UCMA: variants seen among roughly 807,000 people sequenced by gnomAD.
UCMA encodes the protein upper zone of growth plate and cartilage matrix-associated protein.
In UCMA, 21 loss-of-function variants were observed where a neutral mutation model predicts 21.8. The ratio of observed to expected loss-of-function variants is 0.97; its 90% confidence interval spans 0.68 to 1.39. UCMA has a LOEUF of 1.39. Ranked by LOEUF, UCMA falls within the 40% of genes most tolerant of loss-of-function variation. The probability of loss-of-function intolerance (pLI) is 0.00; values close to 1 mark genes in which losing one functional copy is unlikely to be tolerated. For missense variants in UCMA, 193 were observed against 178.9 expected (o/e 1.08, Z -0.45); for synonymous variants, 76 against 67.9 (o/e 1.12, Z -0.58).
At chr10:13,226,660 C>A in intron 4 of UCMA, among the ~76,000 whole-genome samples, 1 of 152,100 alleles carries the variant, frequency 6.6e-6, no homozygotes, top group Non-Finnish European at 1.5e-5. Context: ...CTGGAAATTA[C>A]AAGACCTGTC....
At chr10:13,232,516 T>C (rs1834912493) in intron 3 of UCMA, among the ~76,000 whole-genome samples, 1 of 152,160 alleles carries the variant, frequency 6.6e-6, no homozygotes, top group Non-Finnish European at 1.5e-5. Flanking sequence ...CTTTCAGTGC[T>C]TCTTGACATT....
At chr10:13,231,373 A>G (rs944309604) in intron 3 of UCMA, among the ~76,000 whole-genome samples, 5 of 152,166 alleles carry the variant, frequency 3.3e-5, no homozygotes, top group Non-Finnish European at 5.9e-5. Flanking sequence ...AGAGATGTGC[A>G]TGACCTAACA....
rs4750328 is a variant in UCMA, at chr10:13,233,643, G to T, written c.125-10C>A. 18 of 1,613,836 alleles carry T rather than the reference G, an allele frequency of 1.1e-5. No homozygotes were observed. In the East Asian group the frequency reaches 3.8e-4, roughly 34 times the overall value. On this transcript the variant is annotated splice_polypyrimidine_tract_variant and intron_variant, in intron 2 of 4. Transcript: ENST00000378681. Reference sequence around the variant, plus strand: ...ATCTTCTGTTTTGCATCTGAAACCCGGGAGAGGCCTGTCACCAGCAGTGTG... The same window carrying T: ...ATCTTCTGTTTTGCATCTGAAACCCTGGAGAGGCCTGTCACCAGCAGTGTG...
At chr10:13,234,130 C>A (rs184161587) in intron 1 of UCMA, 71 bp downstream of exon 1, 3 of 1,452,880 alleles carry the variant, frequency 2.1e-6, no homozygotes, top group African/African-American at 1.4e-5. Context: ...ACCTGAGCAG[C>A]CTTACCTGTG....
chr10:13,221,995 C>T lies in UCMA; in HGVS notation c.*108G>A, dbSNP rs1834763021. The T allele has an allele frequency of 8.5e-7, 1 of 1,176,494 alleles. No individual in the cohort carries two copies. Among genetic ancestry groups the T allele is most frequent in the Admixed American group, 2.0e-5 (1 of 50,896 alleles). 72.9% of individuals were successfully genotyped at this position (1,176,494 alleles called of 1,614,324 possible). On this transcript the variant is annotated 3_prime_UTR_variant, in exon 5 of 5. Coordinates refer to ENST00000378681, the MANE Select transcript of UCMA (RefSeq NM_145314.3). Reference sequence around the variant, plus strand: ...CAAGAGCTGCTGGCCACTGCAGACCCCAAGCTGAGACCCTCTGAAGGGCCG... The same window carrying T: ...CAAGAGCTGCTGGCCACTGCAGACCTCAAGCTGAGACCCTCTGAAGGGCCG...
At chr10:13,230,805 C>T (rs1322757684) in intron 3 of UCMA, among the ~76,000 whole-genome samples, 1 of 152,214 alleles carries the variant, frequency 6.6e-6, no homozygotes, top group East Asian at 1.9e-4. Context: ...GCCTGTAATC[C>T]CAGCACTTTG....
intron 4 of UCMA, among the ~76,000 whole-genome samples, chr10:13,228,937 T>C (rs1834860231): frequency 6.6e-6 from 1 of 151,958 alleles, no homozygotes; most frequent in African/African-American, 2.4e-5. Flanking sequence ...TTTATTTTAT[T>C]TTATTTTATT....
At chr10:13,223,850 C>T (rs967373049) in intron 4 of UCMA, among the ~76,000 whole-genome samples, 2 of 150,730 alleles carry the variant, frequency 1.3e-5, no homozygotes, top group African/African-American at 4.9e-5. Flanking sequence ...CTGCACCTAG[C>T]CTAGAATGGG....
chr10:13,221,867 T>A lies in UCMA; in HGVS notation c.*236A>T. ...CCAGGGGAAGCCACTGTAGGTTTGG[T>A]ACTAGGAGGCCCTGCAGGCAGTTGC... On this transcript the variant is annotated 3_prime_UTR_variant, in exon 5 of 5. Transcript: ENST00000378681. The A allele has an allele frequency of 1.8e-6, 1 of 548,312 alleles. No individual in the cohort carries two copies. Among genetic ancestry groups the A allele is most frequent in the South Asian group, 2.3e-5 (1 of 44,082 alleles). 34.0% of individuals were successfully genotyped at this position (548,312 alleles called of 1,614,324 possible).
intron 4 of UCMA, among the ~76,000 whole-genome samples, chr10:13,228,683 C>T (rs889968334): frequency 6.6e-6 from 1 of 152,038 alleles, no homozygotes; most frequent in Non-Finnish European, 1.5e-5. Context: ...AAGGCACCTG[C>T]GAGTGAGTGT....
At chr10:13,231,728 T>C (rs1265037340) in intron 3 of UCMA, among the ~76,000 whole-genome samples, 1 of 152,218 alleles carries the variant, frequency 6.6e-6, no homozygotes, top group Non-Finnish European at 1.5e-5. Context: ...ATTCTGTGCA[T>C]TGTATACGTT....
At chr10:13,232,699 T>C (rs1196386014) in intron 3 of UCMA, among the ~76,000 whole-genome samples, 1 of 152,100 alleles carries the variant, frequency 6.6e-6, no homozygotes, top group East Asian at 1.9e-4. Context: ...CCTTGCTGAG[T>C]GCCCTGAAGA....
At chr10:13,229,802 C>A in intron 3 of UCMA, 93 bp from the exon 4 acceptor site, 1 of 1,022,926 alleles carries the variant, frequency 9.8e-7, no homozygotes, top group Non-Finnish European at 1.5e-6. Flanking sequence ...GAGAAGTCAC[C>A]TGGTTGGGGG....
At chr10:13,225,617 T>C (rs548256603) in intron 4 of UCMA, among the ~76,000 whole-genome samples, 2 of 149,850 alleles carry the variant, frequency 1.3e-5, no homozygotes, top group Admixed American at 6.7e-5. Context: ...GGAGGTTTCA[T>C]TGAGCCGAGA....
At chr10:13,227,753 C>T (rs1392209589) in intron 4 of UCMA, among the ~76,000 whole-genome samples, 2 of 139,790 alleles carry the variant, frequency 1.4e-5, no homozygotes, top group East Asian at 4.1e-4. Context: ...TACACACACA[C>T]ACACACACAC....
Position 13,221,989 on chromosome 10 carries a change from C to T in UCMA, c.*114G>A. 1 of 1,067,168 alleles carries T rather than the reference C, an allele frequency of 9.4e-7. No homozygotes were observed. The highest frequency in any genetic ancestry group is 2.4e-5 in the East Asian group (1 of 41,362). The allele number at this position is 1,067,168 out of a possible 1,614,324, so 66.1% of individuals were successfully genotyped here. A position where few individuals can be genotyped will look rare whatever the true frequency, so the allele number is the denominator to read the frequency against. ...TCTTTTCAAGAGCTGCTGGCCACTG[C>T]AGACCCCAAGCTGAGACCCTCTGAA... On this transcript the variant is annotated 3_prime_UTR_variant, in exon 5 of 5. Transcript: ENST00000378681.
At position 13,234,365 on chromosome 10, in the gene UCMA, G is replaced by A; in HGVS notation, c.-107C>T. ...AGGCAGCCCAGGCGAGAGGAAGGAA[G>A]GCGGGGGAGGGAAGAGAGAGGCAGG... is the stretch of plus-strand genomic sequence containing the variant. On this transcript the variant is annotated 5_prime_UTR_variant, in exon 1 of 5. Transcript: ENST00000378681. The A allele has an allele frequency of 1.7e-6, 2 of 1,171,348 alleles. No homozygotes were observed. The highest frequency in any genetic ancestry group is 1.5e-5 in the South Asian group (1 of 64,692). 72.6% of individuals were successfully genotyped at this position (1,171,348 alleles called of 1,614,324 possible).
chr10:13,227,115 G>A (rs1834832142), intron 4 of UCMA, among the ~76,000 whole-genome samples: 2 of 152,052 alleles, frequency 1.3e-5, no homozygotes, highest in Admixed American at 1.3e-4. Context: ...ATGTTCCTAA[G>A]AAAGTTTGAT....
At chr10:13,222,284 G>C in intron 4 of UCMA, 84 bp from the exon 5 acceptor site, 1 of 1,246,846 alleles carries the variant, frequency 8.0e-7, no homozygotes, top group Non-Finnish European at 1.1e-6. Context: ...CCGAACCCCT[G>C]CCCTGTGGTG....
Sources: gnomAD v4.1 joint callset for allele counts (sites outside exome capture counted in the v4.1 genomes callset) on GRCh38, gnomAD v4.1.1 for gene constraint, MANE v1.5 for transcripts, NCBI Gene and HGNC (gene_info 2026-07-23, HGNC 2026-07-21) for gene names.